CCDC167: variants seen among roughly 807,000 people sequenced by gnomAD.
The protein encoded by CCDC167 is coiled-coil domain containing 167.
A neutral mutation model predicts 12.7 loss-of-function variants in CCDC167; 15 were observed. The observed-to-expected ratio is 1.18, with a 90% CI of 0.79 to 1.81. The LOEUF is 1.81. CCDC167 is among the 40% of genes most tolerant of loss of function. The pLI, the probability that CCDC167 is intolerant of heterozygous loss-of-function variation, is 0.00. For missense variants in CCDC167, 121 were observed against 120.1 expected (o/e 1.01, Z -0.03); for synonymous variants, 52 against 49.0 (o/e 1.06, Z -0.26).
In CCDC167 at chr6:37,485,160, C is replaced by A; in HGVS notation, c.77G>T (p.Arg26Leu). ...DGLEEKLSQCRRDLEAVNSRL... is the reference protein window; with the variant it reads ...DGLEEKLSQCLRDLEAVNSRL... ...GGAGTTCACGGCCTCCAGGTCTCTC[C>A]GACACTGGGACAGCTTCTCCTCTAG... The change falls in exon 2 of 4, where the codon CGG becomes CTG. Residue 26 changes from arginine (R) to leucine (L), a missense_variant. Transcript: ENST00000373408. 4.3e-6 allele frequency: 7 copies of A among 1,613,574 alleles called. No homozygotes were observed. Among genetic ancestry groups the A allele is most frequent in the Non-Finnish European group, 3.4e-6 (4 of 1,179,976 alleles).
intron 1 of CCDC167, among the ~76,000 whole-genome samples, chr6:37,490,211 C>T (rs1762000597): frequency 3.9e-5 from 6 of 152,090 alleles, no homozygotes; most frequent in Admixed American, 3.9e-4. Context: ...GTGTGAAGCC[C>T]TGTGTGAGCG....
intron 1 of CCDC167, among the ~76,000 whole-genome samples, chr6:37,486,218 G>A (rs1190466383): frequency 1.3e-5 from 2 of 152,188 alleles, no homozygotes; most frequent in African/African-American, 4.8e-5. Flanking sequence ...TGGCAAATAA[G>A]ACCTCCATTT....
At chr6:37,495,551 C>CA (rs1491584308) in intron 1 of CCDC167, among the ~76,000 whole-genome samples, 1 of 152,112 alleles carries the variant, frequency 6.6e-6, no homozygotes, top group Admixed American at 6.5e-5. Flanking sequence ...AGCTAAAACT[C>CA]ACAGTTTTTT....
chr6:37,498,890 T>C (rs926926520), intron 1 of CCDC167, among the ~76,000 whole-genome samples: 7 of 152,100 alleles, frequency 4.6e-5, no homozygotes, highest in Non-Finnish European at 1.0e-4. Context: ...ACTCGGGGTG[T>C]GGGAAGAGTT....
At chr6:37,493,950 G>A (rs1381383128) in intron 1 of CCDC167, among the ~76,000 whole-genome samples, 1 of 152,140 alleles carries the variant, frequency 6.6e-6, no homozygotes, top group Non-Finnish European at 1.5e-5. Context: ...TACTGCAGTG[G>A]CTGGCACCAT....
At chr6:37,484,426 G>C (rs565248716) in intron 3 of CCDC167, among the ~76,000 whole-genome samples, 1 of 151,644 alleles carries the variant, frequency 6.6e-6, no homozygotes, top group Admixed American at 6.6e-5. Context: ...TGGGAGGTTC[G>C]GCTTCCTTCA....
chr6:37,494,536 A>G (rs1036029028), intron 1 of CCDC167, among the ~76,000 whole-genome samples: 3 of 152,020 alleles, frequency 2.0e-5, no homozygotes, highest in African/African-American at 4.8e-5. Context: ...TGCTCTCCCA[A>G]CCTCACTGCA....
intron 2 of CCDC167, 84 bp downstream of exon 2, chr6:37,485,016 C>G (rs561244051): frequency 6.8e-7 from 1 of 1,460,388 alleles, no homozygotes; most frequent in Non-Finnish European, 9.5e-7. Context: ...CCCTCTGCCT[C>G]AGGCCTACTT....
At chr6:37,489,579 A>T (rs1761989542) in intron 1 of CCDC167, among the ~76,000 whole-genome samples, 1 of 152,218 alleles carries the variant, frequency 6.6e-6, no homozygotes, top group East Asian at 1.9e-4. Flanking sequence ...CCAAGGTGGA[A>T]CAGCCTGGGG....
At chr6:37,485,808 C>G (rs1002980295) in intron 1 of CCDC167, among the ~76,000 whole-genome samples, 8 of 152,306 alleles carry the variant, frequency 5.3e-5, no homozygotes, top group African/African-American at 1.9e-4. Flanking sequence ...TCAAAAACAC[C>G]TTTCTTCCTC....
intron 1 of CCDC167, among the ~76,000 whole-genome samples, chr6:37,488,788 A>G (rs6940323): frequency 0.086 from 13,078 of 152,316 alleles, 996 homozygotes; most frequent in African/African-American, 0.21. Flanking sequence ...TGAGGATGAC[A>G]TGGAGCCAAC....
chr6:37,491,234 C>A (rs900669265), intron 1 of CCDC167, among the ~76,000 whole-genome samples: 3 of 152,206 alleles, frequency 2.0e-5, no homozygotes, highest in Non-Finnish European at 4.4e-5. Flanking sequence ...TTTCTGCCAA[C>A]AAGCACGAGA....
Position 37,483,276 on chromosome 6 carries a change from CTT to C in CCDC167, c.202_203del (p.Lys68ValfsTer69). Reference sequence around the variant, plus strand: ...TCTTCCGGTTCTCTTGCCGAAGAAACTTCAGTTCCTTCTCTGGGAGGAAAGAG... The same window carrying C: ...TCTTCCGGTTCTCTTGCCGAAGAAACCAGTTCCTTCTCTGGGAGGAAAGAG... Reference protein sequence around the residue: ...NKASNYEKELKFLRQENRKNM... With the variant: ...NKASNYEKELXFLRQENRKNM... On this transcript the variant is annotated frameshift_variant, in exon 4 of 4. Transcript: ENST00000373408. LOFTEE classifies it high-confidence loss of function. The C allele has an allele frequency of 6.2e-7, 1 of 1,613,602 alleles. No homozygotes were observed. Among genetic ancestry groups the C allele is most frequent in the Non-Finnish European group, 8.5e-7 (1 of 1,179,524 alleles).
At chr6:37,489,960 G>A (rs1429975869) in intron 1 of CCDC167, among the ~76,000 whole-genome samples, 1 of 152,188 alleles carries the variant, frequency 6.6e-6, no homozygotes, top group African/African-American at 2.4e-5. Context: ...GCCCCCTGCT[G>A]TACAATAACA....
At chr6:37,491,281 C>T (rs1762018270) in intron 1 of CCDC167, among the ~76,000 whole-genome samples, 1 of 152,218 alleles carries the variant, frequency 6.6e-6, no homozygotes, top group South Asian at 2.1e-4. Context: ...CTCTATTCTC[C>T]TACTGAATGG....
intron 3 of CCDC167, among the ~76,000 whole-genome samples, chr6:37,483,497 C>T (rs937285094): frequency 1.1e-4 from 17 of 152,348 alleles, no homozygotes; most frequent in Non-Finnish European, 2.1e-4. Flanking sequence ...AAAGTCCCAA[C>T]GCCCAGTGCT....
At chr6:37,492,766 A>G (rs1762039404) in intron 1 of CCDC167, among the ~76,000 whole-genome samples, 1 of 152,202 alleles carries the variant, frequency 6.6e-6, no homozygotes, top group East Asian at 1.9e-4. Flanking sequence ...GACATTTATT[A>G]TAATGGGTAA....
At chr6:37,483,481 C>T (rs1365470243) in intron 3 of CCDC167, among the ~76,000 whole-genome samples, 192 bp from the exon 4 acceptor site, 1 of 152,228 alleles carries the variant, frequency 6.6e-6, no homozygotes. Context: ...ATAGAGCCAG[C>T]CTGATAAAGT....
At chr6:37,486,473 G>A (rs1378709952) in intron 1 of CCDC167, among the ~76,000 whole-genome samples, 1 of 152,130 alleles carries the variant, frequency 6.6e-6, no homozygotes, top group Non-Finnish European at 1.5e-5. Flanking sequence ...TGGGCCTTCT[G>A]TCTCTCTCCA....
Sources: gnomAD v4.1 joint callset for allele counts (sites outside exome capture counted in the v4.1 genomes callset) on GRCh38, gnomAD v4.1.1 for gene constraint, MANE v1.5 for transcripts, NCBI Gene and HGNC (gene_info 2026-07-23, HGNC 2026-07-21) for gene names.